Variants in ADAM10 observed in about 807,000 individuals in gnomAD.
The protein encoded by ADAM10 is ADAM metallopeptidase domain 10.
Under a neutral mutation model 90.1 loss-of-function variants are expected in ADAM10, and 17 were observed. The ratio of observed to expected loss-of-function variants is 0.19; its 90% CI spans 0.13 to 0.28. The LOEUF (loss-of-function observed/expected upper bound fraction) is 0.28, where lower values mean the gene tolerates loss of function less well. Among genes scored for constraint, ADAM10 ranks in the 10% least tolerant of loss-of-function variants. The probability of loss-of-function intolerance (pLI) is 1.00; values close to 1 mark genes in which losing one functional copy is unlikely to be tolerated. For missense variants in ADAM10, 610 were observed against 914.3 expected (o/e 0.67, Z 4.29); for synonymous variants, 310 against 298.6 (o/e 1.04, Z -0.40).
intron 1 of ADAM10, among the ~76,000 whole-genome samples, chr15:58,745,501 AC>A (rs1899761533): frequency 6.6e-6 from 1 of 152,240 alleles, no homozygotes; most frequent in Admixed American, 6.5e-5. Flanking sequence ...TCAAGCTGCT[AC>A]TATTATGAAA....
At chr15:58,618,282 T>G (rs546699011) in intron 11 of ADAM10, among the ~76,000 whole-genome samples, 3 of 152,290 alleles carry the variant, frequency 2.0e-5, no homozygotes, top group African/African-American at 7.2e-5. Flanking sequence ...AAGGACAGTC[T>G]CTTCAATAAG....
At chr15:58,606,872 A>G (rs1895291628) in intron 14 of ADAM10, among the ~76,000 whole-genome samples, 1 of 152,232 alleles carries the variant, frequency 6.6e-6, no homozygotes, top group Non-Finnish European at 1.5e-5. Flanking sequence ...ATTTCCCATA[A>G]AAGCCCAGAT....
intron 1 of ADAM10, among the ~76,000 whole-genome samples, chr15:58,744,945 G>A (rs1899741940): frequency 6.6e-6 from 1 of 152,220 alleles, no homozygotes; most frequent in African/African-American, 2.4e-5. Flanking sequence ...CACTTTGGGA[G>A]GCCAAGGCGG....
At chr15:58,605,768 A>G (rs1895253862) in intron 14 of ADAM10, among the ~76,000 whole-genome samples, 1 of 152,226 alleles carries the variant, frequency 6.6e-6, no homozygotes, top group African/African-American at 2.4e-5. Flanking sequence ...AACTCAGAAA[A>G]TAATTCTACA....
intron 4 of ADAM10, among the ~76,000 whole-genome samples, chr15:58,673,846 T>C (rs964657018): frequency 2.1e-4 from 32 of 152,052 alleles, no homozygotes; most frequent in Non-Finnish European, 3.2e-4. Flanking sequence ...GCCATTCTCC[T>C]GCCTCAGCCT....
chr15:58,735,647 C>A (rs950112136), intron 1 of ADAM10, among the ~76,000 whole-genome samples: 9 of 152,158 alleles, frequency 5.9e-5, no homozygotes, highest in Non-Finnish European at 1.2e-4. Flanking sequence ...AAAGTCTGTA[C>A]ATGTTAAGTA....
intron 4 of ADAM10, among the ~76,000 whole-genome samples, chr15:58,669,863 G>C (rs1362656751): frequency 6.6e-6 from 1 of 152,080 alleles, no homozygotes; most frequent in Non-Finnish European, 1.5e-5. Flanking sequence ...GTTAAAGCCA[G>C]ACTTTCTTAA....
chr15:58,627,594 T>C (rs543356429), intron 10 of ADAM10, 106 bp downstream of exon 10: 4 of 922,514 alleles, frequency 4.3e-6, no homozygotes, highest in Non-Finnish European at 6.9e-6. Flanking sequence ...GTGTTAGCAA[T>C]AGTAAAATGC....
chr15:58,728,448 A>G (rs891249124), intron 1 of ADAM10, among the ~76,000 whole-genome samples: 15 of 152,092 alleles, frequency 9.9e-5, no homozygotes, highest in Admixed American at 5.2e-4. Context: ...TTTTTTTTTA[A>G]ATAAAAATAT....
chr15:58,720,399 A>AT lies in ADAM10; in HGVS notation c.56-2673dup, dbSNP rs1184717084. Among the ~76,000 whole-genome samples, 198 of 26,010 alleles carry AT rather than the reference A, an allele frequency of 7.6e-3. 5 individuals are homozygous for AT. The highest frequency in any genetic ancestry group is 0.01 in the African/African-American group (142 of 14,096). 17.1% of individuals were successfully genotyped at this position (26,010 alleles called of 152,430 possible). ...ATTTTATTTTATTTTATTTTATTTT[A>AT]TTTTATTTTTTTTTTTTTTGAGACA... On this transcript the variant is annotated intron_variant, in intron 1 of 15. Coordinates refer to ENST00000260408, the MANE Select transcript of ADAM10 (RefSeq NM_001110.4).
At chr15:58,679,363 T>G in intron 3 of ADAM10, 81 bp from the exon 4 acceptor site, 1 of 1,214,018 alleles carries the variant, frequency 8.2e-7, no homozygotes, top group Non-Finnish European at 1.2e-6. Context: ...TATATATGTG[T>G]GTATATATAT....
intron 14 of ADAM10, among the ~76,000 whole-genome samples, chr15:58,603,262 G>GC (rs1171849150): frequency 6.6e-6 from 1 of 151,916 alleles, no homozygotes; most frequent in Non-Finnish European, 1.5e-5. Flanking sequence ...GCTACTTATC[G>GC]CAAGACAGGG....
chr15:58,688,786 A>ATATCTC, intron 2 of ADAM10, among the ~76,000 whole-genome samples: 10 of 122,366 alleles, frequency 8.2e-5, no homozygotes, highest in South Asian at 5.8e-4. Context: ...ATATATATAT[A>ATATCTC]TCTCTCTCTC....
intron 2 of ADAM10, among the ~76,000 whole-genome samples, chr15:58,716,176 A>G (rs1028335973): frequency 6.6e-5 from 10 of 152,218 alleles, no homozygotes; most frequent in Non-Finnish European, 1.2e-4. Context: ...TGTACAAAAT[A>G]CTTTAAGTTT....
chr15:58,644,214 G>GTT (rs1313402022), intron 6 of ADAM10, among the ~76,000 whole-genome samples: 1 of 144,502 alleles, frequency 6.9e-6, no homozygotes. Context: ...CTTCTTTGCG[G>GTT]TTTTTTTTTT....
intron 8 of ADAM10, among the ~76,000 whole-genome samples, chr15:58,636,053 G>C (rs1896241424): frequency 6.6e-6 from 1 of 152,172 alleles, no homozygotes; most frequent in Non-Finnish European, 1.5e-5. Context: ...GCGGCAGGCG[G>C]ATCACCTGAG....
chr15:58,647,052 C>T (rs1896564080), intron 5 of ADAM10, among the ~76,000 whole-genome samples: 1 of 151,968 alleles, frequency 6.6e-6, no homozygotes, highest in Non-Finnish European at 1.5e-5. Context: ...TCCATTATAC[C>T]ACTCCATAGA....
At chr15:58,617,827 G>A (rs1285585291) in intron 11 of ADAM10, among the ~76,000 whole-genome samples, 2 of 150,046 alleles carry the variant, frequency 1.3e-5, no homozygotes, top group African/African-American at 2.5e-5. Context: ...TTTAATAAAC[G>A]CAAGGAGGTG....
At position 58,595,042 on chromosome 15, in the gene ADAM10, CTT is replaced by C. The variant is rs752228473; in HGVS notation, c.*2503_*2504del. 6.6e-6 allele frequency: 1 copy of C among 151,956 alleles called. No homozygotes were observed. The allele number at this position is 151,956 out of a possible 1,614,324, so 9.4% of individuals were successfully genotyped here. A position where few individuals can be genotyped will look rare whatever the true frequency, so the allele number is the denominator to read the frequency against. On this transcript the variant is annotated 3_prime_UTR_variant, in exon 16 of 16. Coordinates refer to ENST00000260408, the MANE Select transcript of ADAM10 (RefSeq NM_001110.4). ...ATGATGGCTCAAAATTTTAAACAAA[CTT>C]ATCATTAAACTAGGCTTTTTAAAAT...
Sources: gnomAD v4.1 joint callset for allele counts (sites outside exome capture counted in the v4.1 genomes callset) on GRCh38, gnomAD v4.1.1 for gene constraint, MANE v1.5 for transcripts, NCBI Gene and HGNC (gene_info 2026-07-23, HGNC 2026-07-21) for gene names.